Variants in KALRN observed in about 807,000 individuals in gnomAD.
KALRN encodes the protein kalirin.
In KALRN, 70 loss-of-function variants were observed where a neutral mutation model predicts 353.7. The ratio of observed to expected loss-of-function variants is 0.20; its 90% CI spans 0.16 to 0.24. The LOEUF is 0.24. Ranked by LOEUF, KALRN falls within the 10% of genes least tolerant of loss-of-function variation. The probability of loss-of-function intolerance (pLI) is 1.00; values close to 1 mark genes in which losing one functional copy is unlikely to be tolerated. For synonymous variants in KALRN, 1,391 were observed against 1,434.8 expected (o/e 0.97, Z 0.69); for missense variants, 2,791 against 3,756.7 (o/e 0.74, Z 6.72).
chr3:124,714,001 G>C (rs2063014651), intron 58 of KALRN, among the ~76,000 whole-genome samples: 1 of 151,430 alleles, frequency 6.6e-6, no homozygotes, highest in South Asian at 2.1e-4. Context: ...TCAGTAACTT[G>C]TCACAAATTT....
At chr3:124,056,170 G>A (rs2041519601) in intron 1 of KALRN, among the ~76,000 whole-genome samples, 1 of 152,172 alleles carries the variant, frequency 6.6e-6, no homozygotes, top group Non-Finnish European at 1.5e-5. Context: ...CCCTTGCCTT[G>A]CAGGTCTTGT....
At chr3:124,668,201 C>A (rs11714215) in intron 47 of KALRN, among the ~76,000 whole-genome samples, 1 of 152,114 alleles carries the variant, frequency 6.6e-6, no homozygotes, top group Non-Finnish European at 1.5e-5. Flanking sequence ...TACACACGTA[C>A]AGGCCCACCC....
chr3:124,096,588 T>G (rs2149395808), intron 1 of KALRN: 1 of 152,370 alleles, frequency 6.6e-6, no homozygotes, highest in African/African-American at 2.4e-5. Flanking sequence ...ATTTTTATCT[T>G]TTAGAAATGC....
chr3:124,485,729 A>C (rs942650164), intron 28 of KALRN, among the ~76,000 whole-genome samples: 18 of 152,184 alleles, frequency 1.2e-4, no homozygotes, highest in Admixed American at 4.6e-4. Context: ...AAAATATAAA[A>C]ATTGCCCAGT....
At chr3:124,602,516 T>C (rs956618810) in intron 34 of KALRN, among the ~76,000 whole-genome samples, 2 of 152,174 alleles carry the variant, frequency 1.3e-5, no homozygotes, top group Admixed American at 6.5e-5. Context: ...TGAGAAACTA[T>C]GATGAGTTTA....
chr3:124,183,638 C>A (rs967721594), intron 1 of KALRN, among the ~76,000 whole-genome samples: 7 of 152,162 alleles, frequency 4.6e-5, no homozygotes, highest in African/African-American at 1.7e-4. Context: ...AAGAAGGCAG[C>A]CATCTGTATC....
intron 1 of KALRN, among the ~76,000 whole-genome samples, chr3:124,107,725 G>T (rs979866617): frequency 1.4e-4 from 21 of 152,302 alleles, no homozygotes; most frequent in Admixed American, 9.1e-4. Context: ...ATAGCAGGAA[G>T]GGCAGCCAAG....
At chr3:124,079,393 T>A (rs2332736) in intron 1 of KALRN, among the ~76,000 whole-genome samples, 2 of 152,180 alleles carry the variant, frequency 1.3e-5, no homozygotes, top group African/African-American at 4.8e-5. Context: ...TACATGTTTC[T>A]TTAAAAGGGA....
intron 47 of KALRN, among the ~76,000 whole-genome samples, chr3:124,668,088 ACACAC>A (rs1189100369): frequency 7.6e-6 from 1 of 132,358 alleles, no homozygotes; most frequent in Non-Finnish European, 1.6e-5. Flanking sequence ...ACACACACAC[ACACAC>A]AACCACCTTT....
At chr3:124,524,954 A>T (rs2067463738) in intron 33 of KALRN, among the ~76,000 whole-genome samples, 1 of 152,264 alleles carries the variant, frequency 6.6e-6, no homozygotes, top group Non-Finnish European at 1.5e-5. Context: ...AGAGGGGCTC[A>T]GCCTCTGACC....
rs1277059683 is a variant in KALRN, at chr3:124,488,283, C to T, written c.4364C>T (p.Ala1455Val). The T allele has an allele frequency of 6.2e-7, 1 of 1,613,378 alleles. No individual in the cohort carries two copies. The highest frequency in any genetic ancestry group is 8.5e-7 in the Non-Finnish European group (1 of 1,179,336). Residue 1455 changes from alanine (A) to valine (V), a missense_variant, in exon 29 of 60, where the codon GCC becomes GTC. By Grantham distance (64) the Ala-to-Val change is moderately conservative. Transcript: ENST00000682506. Reference protein sequence around the residue: ...LEVMLSVPKKANDAMHVSMLE... With the variant: ...LEVMLSVPKKVNDAMHVSMLE... ...GTGATGCTCAGTGTCCCAAAGAAAG[C>T]CAATGATGCCATGCATGTCAGCATG... is the stretch of plus-strand genomic sequence containing the variant.
At position 124,314,688 on chromosome 3, in the gene KALRN, G is replaced by C. The variant is rs571018741; in HGVS notation, c.1093-11292G>C. On this transcript the variant is annotated intron_variant, in intron 6 of 59. Coordinates refer to ENST00000682506, the MANE Select transcript of KALRN (RefSeq NM_001388419.1). ...CACATGGCACGAGAGAAAGGATCTG[G>C]TTCTGTCTCCTAGGCTGGCATGCAG... is the stretch of plus-strand genomic sequence containing the variant. 4.0e-4 allele frequency among the ~76,000 whole-genome samples: 61 copies of C among 152,252 alleles called. 2 individuals carry two copies. Among genetic ancestry groups the C allele is most frequent in the Non-Finnish European group, 6.5e-4 (44 of 68,016 alleles).
intron 1 of KALRN, among the ~76,000 whole-genome samples, chr3:124,155,457 A>G (rs900501999): frequency 2.1e-4 from 32 of 152,208 alleles, no homozygotes; most frequent in Admixed American, 2.0e-3. Context: ...TGGCACAGGC[A>G]GGGGTGACTA....
At position 124,697,703 on chromosome 3, in the gene KALRN, A is replaced by T; in HGVS notation, c.7810A>T (p.Thr2604Ser). ...STGNCTISGY[T>S]VEYREEGSQI... ...AGGAAACTGCACTATTTCTGGTTAC[A>T]CTGTGGAGTACAGAGAGGAAGGTGC... Residue 2604 changes from threonine (T) to serine (S), a missense_variant, in exon 55 of 60, where the codon ACT becomes TCT. By Grantham distance (58) the Thr-to-Ser change is moderately conservative. This residue lies in a region of KALRN where 1,065 missense variants were observed against 1,156.4 expected (regional missense o/e 0.92). Transcript: ENST00000682506. 2 of 1,589,838 alleles carry T rather than the reference A, an allele frequency of 1.3e-6. No individual in the cohort carries two copies. Among genetic ancestry groups the T allele is most frequent in the Non-Finnish European group, 1.7e-6 (2 of 1,167,438 alleles).
rs146637972 is a variant in KALRN at position 124,639,853 on chromosome 3, C to T, written c.5664+2550C>T. ...TTGGCTTAACATGTAAAACCAAGCT[C>T]ACGTCACAGAAAGGAAAGAGGAAGC... On this transcript the variant is annotated intron_variant, in intron 37 of 59. Coordinates refer to ENST00000682506, the MANE Select transcript of KALRN (RefSeq NM_001388419.1). Among the ~76,000 whole-genome samples the T allele has an allele frequency of 3.5e-3, 535 of 152,284 alleles. 2 individuals are homozygous for T. Among genetic ancestry groups the T allele is most frequent in the Non-Finnish European group, 3.4e-3 (230 of 68,014 alleles).
intron 1 of KALRN, among the ~76,000 whole-genome samples, chr3:124,088,220 G>A (rs2060925517): frequency 6.6e-6 from 1 of 152,092 alleles, no homozygotes; most frequent in Admixed American, 6.5e-5. Flanking sequence ...GAACTTCGTA[G>A]TTTCTTTTTT....
chr3:124,166,354 T>C (rs969446372), intron 1 of KALRN, among the ~76,000 whole-genome samples: 25 of 152,182 alleles, frequency 1.6e-4, no homozygotes, highest in African/African-American at 6.0e-4. Context: ...CAGTGCCTAG[T>C]GTAGTGACTG....
At chr3:124,441,339 G>A (rs1360601808) in intron 18 of KALRN, among the ~76,000 whole-genome samples, 2 of 152,156 alleles carry the variant, frequency 1.3e-5, no homozygotes, top group Admixed American at 1.3e-4. Flanking sequence ...AGAAGGAGAC[G>A]AGAGGTGGCT....
chr3:124,363,699 G>A (rs72978421), intron 10 of KALRN, among the ~76,000 whole-genome samples: 1,729 of 152,310 alleles, frequency 0.011, 24 homozygotes, highest in African/African-American at 0.038. Context: ...CAGTCTCTGA[G>A]TTTAACTGAA....
Sources: gnomAD v4.1 joint callset for allele counts (sites outside exome capture counted in the v4.1 genomes callset) on GRCh38, gnomAD v4.1.1 for gene constraint, gnomAD v4.1.1 regional missense constraint, MANE v1.5 for transcripts, NCBI Gene and HGNC (gene_info 2026-07-23, HGNC 2026-07-21) for gene names.